GSE1: variants seen among roughly 807,000 people sequenced by gnomAD.
GSE1 encodes Gse1 coiled-coil protein.
A neutral mutation model predicts 112.6 loss-of-function variants in GSE1; 32 were observed. That is an observed-to-expected ratio of 0.28 (90% CI 0.21 to 0.38). The LOEUF (loss-of-function observed/expected upper bound fraction) is 0.38. GSE1 is among the 10% of genes least tolerant of loss of function. The probability of loss-of-function intolerance (pLI) is 1.00; values close to 1 mark genes in which losing one functional copy is unlikely to be tolerated. For missense variants in GSE1, 2,348 were observed against 1,699.2 expected (o/e 1.38, Z -6.71); for synonymous variants, 1,115 against 735.6 (o/e 1.52, Z -8.35).
intron 2 of GSE1, among the ~76,000 whole-genome samples, chr16:85,478,933 C>CTT (rs1597887539): frequency 1.3e-5 from 1 of 74,794 alleles, no homozygotes; most frequent in African/African-American, 5.7e-5. Context: ...CTTTCTCTTT[C>CTT]TTTCTTTCTT....
At position 85,279,775 on chromosome 16, in the gene GSE1, TTC is replaced by T. The variant is rs2044800635; in HGVS notation, c.2284-77684_2284-77683del. ...GAGGCGGTGTTTTCTCAACTCCAAC[TTC>T]TCTGTCTTCACTTGAATTCTCAGGA... On this transcript the variant is annotated intron_variant, in intron 1 of 2. Transcript: ENST00000637419. 3.3e-5 allele frequency among the ~76,000 whole-genome samples: 5 copies of T among 152,230 alleles called. No homozygotes were observed. In the South Asian group the frequency reaches 1.0e-3, roughly 32 times the overall value.
chr16:85,502,820 A>C (rs2051414465), intron 2 of GSE1, among the ~76,000 whole-genome samples: 1 of 152,198 alleles, frequency 6.6e-6, no homozygotes, highest in African/African-American at 2.4e-5. Context: ...GAACAAGATC[A>C]ACCTGGACTG....
intron 2 of GSE1, among the ~76,000 whole-genome samples, chr16:85,430,788 G>A (rs552891897): frequency 3.7e-4 from 57 of 152,286 alleles, no homozygotes; most frequent in African/African-American, 1.3e-3. Flanking sequence ...CCTCCATCAG[G>A]GCCTGGAGCG....
At chr16:85,564,797 A>C (rs2045667913) in intron 1 of GSE1, among the ~76,000 whole-genome samples, 1 of 152,236 alleles carries the variant, frequency 6.6e-6, no homozygotes, top group Non-Finnish European at 1.5e-5. Context: ...TGTGCCTGTC[A>C]AATCTGTTCC....
chr16:85,371,296 GC>G (rs2047295327), intron 2 of GSE1, among the ~76,000 whole-genome samples: 1 of 152,200 alleles, frequency 6.6e-6, no homozygotes, highest in South Asian at 2.1e-4. Context: ...CCCGGGGATG[GC>G]CCCACGCAGC....
At chr16:85,669,172 G>A (rs568967734) in intron 14 of GSE1, among the ~76,000 whole-genome samples, 1 of 152,254 alleles carries the variant, frequency 6.6e-6, no homozygotes, top group African/African-American at 2.4e-5. Flanking sequence ...CCCCTTTGGG[G>A]AACAGCAGAG....
chr16:85,644,627 G>A (rs552954315), intron 2 of GSE1, among the ~76,000 whole-genome samples: 4 of 152,306 alleles, frequency 2.6e-5, no homozygotes, highest in South Asian at 4.1e-4. Flanking sequence ...CTTTAGAGAC[G>A]GAGAGCCAAT....
intron 11 of GSE1, 92 bp from the exon 12 acceptor site, chr16:85,664,923 C>T: frequency 1.2e-6 from 1 of 848,740 alleles, no homozygotes; most frequent in Non-Finnish European, 2.0e-6. Flanking sequence ...TAGTGCTTTG[C>T]CTGCCCCTCA....
chr16:85,588,218 A>C (rs945881487), intron 1 of GSE1, among the ~76,000 whole-genome samples: 2 of 152,186 alleles, frequency 1.3e-5, no homozygotes, highest in Non-Finnish European at 2.9e-5. Context: ...GAATGCACCC[A>C]CTGCTGGCTG....
At chr16:85,526,615 G>C (rs2052372712) in intron 2 of GSE1, among the ~76,000 whole-genome samples, 1 of 152,228 alleles carries the variant, frequency 6.6e-6, no homozygotes, top group African/African-American at 2.4e-5. Flanking sequence ...TGTGGGTGGA[G>C]AGCAGGGATG....
At chr16:85,523,978 G>T (rs528753821) in intron 2 of GSE1, among the ~76,000 whole-genome samples, 15 of 152,302 alleles carry the variant, frequency 9.8e-5, no homozygotes, top group Admixed American at 3.3e-4. Context: ...GGGGAGGGGA[G>T]GGCTTTTGGG....
intron 1 of GSE1, among the ~76,000 whole-genome samples, chr16:85,219,070 G>A (rs889480205): frequency 2.6e-5 from 4 of 152,038 alleles, no homozygotes; most frequent in African/African-American, 9.7e-5. Context: ...TAGTAGAGAC[G>A]GGGTTTCACC....
chr16:85,512,816 C>T (rs1181578479), intron 2 of GSE1, among the ~76,000 whole-genome samples: 1 of 152,038 alleles, frequency 6.6e-6, no homozygotes, highest in Admixed American at 6.5e-5. Flanking sequence ...CCGAGAGGGT[C>T]GGGTATAGGG....
rs61178619 is a variant in GSE1, at chr16:85,641,423, G to GCCCC, written c.227-7123_227-7120dup. 3.4e-3 allele frequency among the ~76,000 whole-genome samples: 508 copies of GCCCC among 150,302 alleles called. 4 individuals carry two copies. The highest frequency in any genetic ancestry group is 0.011 in the African/African-American group (445 of 40,544). On this transcript the variant is annotated intron_variant, in intron 2 of 15. Transcript: ENST00000253458. ...GCATGGGAGCCCGCCACTGGCTGACGCCCCCCCCCGCCCTTTTGCAGCTGT... is the reference window on the plus strand; with the variant it reads ...GCATGGGAGCCCGCCACTGGCTGACGCCCCCCCCCCCCCGCCCTTTTGCAGCTGT...
rs545850489 is a variant in GSE1, at chr16:85,173,547, C to T, written c.2283+1740C>T. ...CTTGGATGTGGGTTGGTTCTGTGTG[C>T]GAGGTGCTGGCTTGCAGGCTGGGTG... On this transcript the variant is annotated intron_variant, in intron 1 of 2. Coordinates refer to the GSE1 transcript ENST00000637419. Among the ~76,000 whole-genome samples the T allele has an allele frequency of 7.2e-4, 109 of 152,254 alleles. 1 individual carries two copies. The highest frequency in any genetic ancestry group is 1.2e-4 in the African/African-American group (5 of 41,538).
At chr16:85,482,307 A>G (rs1324613433) in intron 2 of GSE1, among the ~76,000 whole-genome samples, 1 of 152,210 alleles carries the variant, frequency 6.6e-6, no homozygotes, top group Non-Finnish European at 1.5e-5. Flanking sequence ...GCCAGGTGAG[A>G]GATCGCACTT....
At chr16:85,208,016 G>A (rs1291635380) in intron 1 of GSE1, 1 of 152,096 alleles carries the variant, frequency 6.6e-6, no homozygotes, top group African/African-American at 2.4e-5. Context: ...TGGGGACAGA[G>A]GAAGTTTGGG....
At chr16:85,597,493 A>C (rs1342892715) in intron 1 of GSE1, among the ~76,000 whole-genome samples, 1 of 151,996 alleles carries the variant, frequency 6.6e-6, no homozygotes, top group Non-Finnish European at 1.5e-5. Context: ...TTTGAGAGAC[A>C]GGATCTCATT....
chr16:85,478,031 C>G (rs969762967), intron 2 of GSE1, among the ~76,000 whole-genome samples: 1 of 152,210 alleles, frequency 6.6e-6, no homozygotes. Flanking sequence ...CCGCGCTCCT[C>G]ATTTCTGCAC....
Sources: allele counts gnomAD v4.1 joint callset (sites outside exome capture counted in the v4.1 genomes callset), GRCh38; gene constraint gnomAD v4.1.1; transcripts MANE v1.5; gene names NCBI Gene and HGNC (gene_info 2026-07-23, HGNC 2026-07-21).